Variants in DPP10 observed in about 807,000 individuals in gnomAD.
The protein encoded by DPP10 is dipeptidyl peptidase like 10, also known as inactive dipeptidyl peptidase 10.
A neutral mutation model predicts 120.9 loss-of-function variants in DPP10; 33 were observed. The ratio of observed to expected loss-of-function variants is 0.27; its 90% confidence interval spans 0.21 to 0.37. The LOEUF (loss-of-function observed/expected upper bound fraction) is 0.37, where lower values mean the gene tolerates loss of function less well. Ranked by LOEUF, DPP10 falls within the 10% of genes least tolerant of loss-of-function variation. The pLI, the probability that DPP10 is intolerant of heterozygous loss-of-function variation, is 1.00. For synonymous variants in DPP10, 337 were observed against 326.1 expected, an observed-to-expected ratio of 1.03 and a Z score of -0.36; for missense variants, 816 against 942.8, an observed-to-expected ratio of 0.87 and a Z score of 1.76.
intron 1 of DPP10, among the ~76,000 whole-genome samples, chr2:115,222,262 C>T (rs773287007): frequency 3.3e-5 from 5 of 152,140 alleles, no homozygotes; most frequent in Non-Finnish European, 7.4e-5. Flanking sequence ...ATTGTGCTCA[C>T]CCAACCAGAG....
intron 3 of DPP10, among the ~76,000 whole-genome samples, chr2:115,383,744 G>T (rs1249009479): frequency 6.6e-6 from 1 of 151,920 alleles, no homozygotes; most frequent in Non-Finnish European, 1.5e-5. Context: ...TTAATAATTT[G>T]ATTTTTAATG....
chr2:115,828,147 G>A (rs940475775), intron 21 of DPP10, among the ~76,000 whole-genome samples: 1 of 151,618 alleles, frequency 6.6e-6, no homozygotes, highest in Admixed American at 6.6e-5. Flanking sequence ...ATTATTTTCT[G>A]GGCAAAAAGT....
intron 5 of DPP10, among the ~76,000 whole-genome samples, chr2:115,633,507 C>A (rs1269335857): frequency 6.6e-6 from 1 of 152,010 alleles, no homozygotes; most frequent in Non-Finnish European, 1.5e-5. Context: ...GTGCAGCACA[C>A]CAACATGGCA....
intron 1 of DPP10, among the ~76,000 whole-genome samples, chr2:114,983,126 T>C (rs1157536348): frequency 2.0e-5 from 3 of 152,182 alleles, no homozygotes; most frequent in South Asian, 2.1e-4. Context: ...AATTTTGCTT[T>C]TTAAGTGAAT....
At chr2:115,292,964 A>G (rs947115607) in intron 1 of DPP10, among the ~76,000 whole-genome samples, 5 of 152,108 alleles carry the variant, frequency 3.3e-5, no homozygotes, top group Non-Finnish European at 7.4e-5. Context: ...CACGTTTCTC[A>G]TAACATTTCA....
chr2:114,487,701 C>G (rs1681633771), intron 1 of DPP10, among the ~76,000 whole-genome samples: 1 of 152,052 alleles, frequency 6.6e-6, no homozygotes, highest in Non-Finnish European at 1.5e-5. Flanking sequence ...AAACAATAAT[C>G]AGTATAAAAT....
At chr2:114,676,998 C>T (rs192209048) in intron 1 of DPP10, among the ~76,000 whole-genome samples, 130 of 152,146 alleles carry the variant, frequency 8.5e-4, no homozygotes, top group African/African-American at 2.9e-3. Flanking sequence ...CAGTAATTTG[C>T]CCAAGTCCGC....
chr2:115,373,798 A>G, intron 3 of DPP10, among the ~76,000 whole-genome samples: 1 of 151,754 alleles, frequency 6.6e-6, no homozygotes, highest in African/African-American at 2.4e-5. Context: ...CAGGCTTAAC[A>G]GGAATCATGA....
chr2:115,683,236 A>G (rs2149479624), intron 5 of DPP10, among the ~76,000 whole-genome samples: 1 of 151,998 alleles, frequency 6.6e-6, no homozygotes, highest in Admixed American at 6.6e-5. Context: ...GAAAAAAGCC[A>G]ATTTGAAAAG....
intron 1 of DPP10, among the ~76,000 whole-genome samples, chr2:114,908,047 T>C (rs1694103421): frequency 6.6e-6 from 1 of 152,030 alleles, no homozygotes; most frequent in African/African-American, 2.4e-5. Flanking sequence ...TTTATCACTA[T>C]AAACTATTGC....
intron 3 of DPP10, among the ~76,000 whole-genome samples, chr2:115,375,625 C>T (rs904558750): frequency 1.3e-5 from 2 of 152,130 alleles, no homozygotes; most frequent in Admixed American, 1.3e-4. Flanking sequence ...TCTCACACTG[C>T]TATAAAGATC....
rs71418573 is a variant in DPP10, at chr2:115,766,336, A to G, written c.1114-1961A>G. ...TATATATATATATATGTATATATAT[A>G]TGTATATATATATATATATCACTCT... On this transcript the variant is annotated intron_variant, in intron 12 of 25. Transcript: ENST00000410059. 1.8e-3 allele frequency among the ~76,000 whole-genome samples: 154 copies of G among 83,246 alleles called. 2 individuals are homozygous for G. In the Middle Eastern group the frequency reaches 0.042, roughly 23 times the overall value. 54.6% of individuals were successfully genotyped at this position (83,246 alleles called of 152,430 possible). A position where few individuals can be genotyped will look rare whatever the true frequency, so the allele number is the denominator to read the frequency against.
intron 1 of DPP10, among the ~76,000 whole-genome samples, chr2:114,826,744 G>T (rs983173598): frequency 3.5e-4 from 54 of 152,236 alleles, no homozygotes; most frequent in African/African-American, 1.1e-3. Context: ...TGGCCAGGCT[G>T]GTCCCATCCT....
chr2:115,320,762 A>G (rs1013974762), intron 2 of DPP10, among the ~76,000 whole-genome samples: 5 of 152,150 alleles, frequency 3.3e-5, no homozygotes, highest in Non-Finnish European at 7.4e-5. Flanking sequence ...AATATACAAT[A>G]AGACTGCCTT....
intron 1 of DPP10, among the ~76,000 whole-genome samples, chr2:115,237,670 A>C (rs960846396): frequency 5.9e-5 from 9 of 152,146 alleles, no homozygotes; most frequent in African/African-American, 2.2e-4. Context: ...TAAAAGTGCT[A>C]CTCCAGTGAA....
In DPP10 at chr2:115,635,418, C is replaced by T. The variant is rs561371155; in HGVS notation, c.442-54269C>T. ...CAGGCAGAGTAGCACCATCACTCAC[C>T]GCCTCCCTCGGCTGAAGGTGGTAGC... On this transcript the variant is annotated intron_variant, in intron 5 of 25. Coordinates refer to ENST00000410059, the MANE Select transcript of DPP10 (RefSeq NM_020868.6). 5.9e-5 allele frequency among the ~76,000 whole-genome samples: 9 copies of T among 152,226 alleles called. No homozygotes were observed. The South Asian group carries it at 6.2e-4, about 11-fold the overall frequency.
chr2:115,382,000 C>G lies in DPP10; in HGVS notation c.271+38088C>G, dbSNP rs559260730. ...TTACGTCTGCAGAGGTTACTGCTGT[C>G]TTTTTGTTTGTCTGTGCCCTGCCCC... On this transcript the variant is annotated intron_variant, in intron 3 of 25. Coordinates refer to ENST00000410059, the MANE Select transcript of DPP10 (RefSeq NM_020868.6). Among the ~76,000 whole-genome samples the G allele has an allele frequency of 3.2e-4, 48 of 152,268 alleles. No homozygotes were observed. The East Asian group carries it at 4.9e-3, about 15-fold the overall frequency.
intron 5 of DPP10, among the ~76,000 whole-genome samples, chr2:115,536,776 C>G (rs2078873294): frequency 6.6e-6 from 1 of 151,894 alleles, no homozygotes; most frequent in Non-Finnish European, 1.5e-5. Context: ...ACACTGAAAG[C>G]TCTGTGATTC....
In DPP10 at chr2:115,814,781, T is replaced by C. The variant is rs748173709; in HGVS notation, c.1701-12T>C. ...TTGCTCTTGTTTTGGTCCAATATGT[T>C]GGTATTTGCAGGGATGAAGAACCAG... is the stretch of plus-strand genomic sequence containing the variant. On this transcript the variant is annotated splice_polypyrimidine_tract_variant and intron_variant, in intron 19 of 25. Transcript: ENST00000410059. 6.6e-7 allele frequency: 1 copy of C among 1,512,794 alleles called. No individual in the cohort carries two copies. The highest frequency in any genetic ancestry group is 1.4e-5 in the South Asian group (1 of 72,830). 93.7% of individuals were successfully genotyped at this position (1,512,794 alleles called of 1,614,324 possible).
Sources: allele counts gnomAD v4.1 joint callset (sites outside exome capture counted in the v4.1 genomes callset), GRCh38; gene constraint gnomAD v4.1.1; transcripts MANE v1.5; gene names NCBI Gene and HGNC (gene_info 2026-07-23, HGNC 2026-07-21).